The following AGBL4 variants were observed in gnomAD, a reference collection of about 807,000 sequenced individuals.
The protein encoded by AGBL4 is AGBL carboxypeptidase 4, also known as cytosolic carboxypeptidase 6.
In AGBL4, 58 loss-of-function variants were observed where a neutral mutation model predicts 66.4. The observed-to-expected ratio is 0.87, with a 90% CI of 0.71 to 1.09. The LOEUF (loss-of-function observed/expected upper bound fraction) is 1.09. Ranked by LOEUF, AGBL4 falls within the 50% of genes least tolerant of loss-of-function variation. AGBL4 has a pLI of 0.00. For missense variants in AGBL4, 579 were observed against 631.0 expected, an observed-to-expected ratio of 0.92 and a Z score of 0.88; for synonymous variants, 234 against 222.9, an observed-to-expected ratio of 1.05 and a Z score of -0.44.
At chr1:49,578,242 G>C (rs1170429407) in intron 3 of AGBL4, among the ~76,000 whole-genome samples, 2 of 152,196 alleles carry the variant, frequency 1.3e-5, no homozygotes, top group African/African-American at 2.4e-5. Context: ...CTCCACAATG[G>C]AGGTAAGGAA....
At chr1:49,343,304 T>A (rs1245919591) in intron 3 of AGBL4, among the ~76,000 whole-genome samples, 2 of 152,174 alleles carry the variant, frequency 1.3e-5, no homozygotes, top group Non-Finnish European at 2.9e-5. Flanking sequence ...AGCAGATAGA[T>A]CCCTCTCAAA....
chr1:48,993,542 C>T (rs1176036435), intron 5 of AGBL4, among the ~76,000 whole-genome samples: 4 of 152,198 alleles, frequency 2.6e-5, no homozygotes. Flanking sequence ...TTCACTGGCC[C>T]TGACCCCGGA....
At chr1:49,768,528 A>C (rs1179032120) in intron 2 of AGBL4, among the ~76,000 whole-genome samples, 1 of 152,194 alleles carries the variant, frequency 6.6e-6, no homozygotes, top group Non-Finnish European at 1.5e-5. Flanking sequence ...GCACACATCC[A>C]AATGATAAGA....
Position 48,912,153 on chromosome 1 carries a change from G to A in AGBL4, c.595-44923C>T, listed in dbSNP as rs150922503. Among the ~76,000 whole-genome samples, 187 of 152,220 alleles carry A rather than the reference G, an allele frequency of 1.2e-3. 3 individuals carry two copies. The highest frequency in any genetic ancestry group is 4.1e-3 in the Admixed American group (63 of 15,290). ...ATAATAAAACCATGGTCTAGTTCTC[G>A]CTATCATGTTTAGTGGTTGTAGGGT... On this transcript the variant is annotated intron_variant, in intron 5 of 13. Transcript: ENST00000371839.
intron 2 of AGBL4, among the ~76,000 whole-genome samples, chr1:49,768,745 G>T (rs1053662244): frequency 1.3e-5 from 2 of 152,078 alleles, no homozygotes; most frequent in Non-Finnish European, 2.9e-5. Flanking sequence ...TCTCTTCACT[G>T]CTAATGTAAT....
chr1:49,822,900 T>C (rs995486885), intron 2 of AGBL4, among the ~76,000 whole-genome samples: 1 of 152,184 alleles, frequency 6.6e-6, no homozygotes, highest in Non-Finnish European at 1.5e-5. Context: ...TGTGTCCATA[T>C]GACTATTTCT....
intron 6 of AGBL4, among the ~76,000 whole-genome samples, chr1:48,781,156 C>A (rs1170080089): frequency 1.3e-5 from 2 of 152,210 alleles, no homozygotes; most frequent in Non-Finnish European, 2.9e-5. Flanking sequence ...GAGGCAGTTC[C>A]ATTTTCCGAT....
intron 2 of AGBL4, among the ~76,000 whole-genome samples, chr1:49,799,673 G>T (rs1237835727): frequency 2.0e-5 from 3 of 151,976 alleles, no homozygotes; most frequent in Non-Finnish European, 4.4e-5. Context: ...CATCTTGATG[G>T]CATCATCAAG....
At chr1:48,876,426 G>C (rs1445538231) in intron 5 of AGBL4, among the ~76,000 whole-genome samples, 5 of 152,172 alleles carry the variant, frequency 3.3e-5, no homozygotes, top group Non-Finnish European at 7.3e-5. Flanking sequence ...GCAGCGAGAG[G>C]AAGGCCGTTC....
chr1:49,348,834 TC>T (rs1167834564), intron 3 of AGBL4, among the ~76,000 whole-genome samples: 1 of 152,154 alleles, frequency 6.6e-6, no homozygotes, highest in East Asian at 1.9e-4. Context: ...TTAAATAGTG[TC>T]CAGGTCTGCC....
intron 5 of AGBL4, among the ~76,000 whole-genome samples, chr1:49,010,130 C>A (rs1452414440): frequency 6.6e-6 from 1 of 152,144 alleles, no homozygotes; most frequent in Admixed American, 6.5e-5. Context: ...CTAGAAAACT[C>A]CATTGACTCA....
chr1:48,934,677 T>C (rs931763860), intron 5 of AGBL4, among the ~76,000 whole-genome samples: 3 of 151,894 alleles, frequency 2.0e-5, no homozygotes, highest in Admixed American at 2.0e-4. Flanking sequence ...ACCCAGGAGG[T>C]CTCTGAGATT....
At chr1:48,823,249 C>G (rs1036993187) in intron 6 of AGBL4, among the ~76,000 whole-genome samples, 1 of 152,228 alleles carries the variant, frequency 6.6e-6, no homozygotes, top group Non-Finnish European at 1.5e-5. Flanking sequence ...TTTCCCATCA[C>G]CATCTATCAC....
intron 3 of AGBL4, among the ~76,000 whole-genome samples, chr1:49,587,119 G>T (rs1340505290): frequency 6.6e-6 from 1 of 152,082 alleles, no homozygotes; most frequent in Non-Finnish European, 1.5e-5. Context: ...AGTGGCATAT[G>T]CCTGTAGTCC....
intron 6 of AGBL4, among the ~76,000 whole-genome samples, chr1:48,709,572 C>G (rs938530128): frequency 1.6e-4 from 20 of 124,250 alleles, no homozygotes; most frequent in African/African-American, 5.5e-4. Flanking sequence ...TGAGCACTTA[C>G]TATTTGCCAG....
intron 6 of AGBL4, among the ~76,000 whole-genome samples, chr1:48,865,272 A>G (rs1189089688): frequency 2.0e-5 from 3 of 152,174 alleles, no homozygotes; most frequent in African/African-American, 4.8e-5. Context: ...GCATGATCCA[A>G]TGGTGCTTCC....
chr1:49,163,413 A>C (rs1218235969), intron 4 of AGBL4, among the ~76,000 whole-genome samples: 1 of 152,168 alleles, frequency 6.6e-6, no homozygotes, highest in Non-Finnish European at 1.5e-5. Flanking sequence ...AGATTCTCTG[A>C]TATTCCTAGT....
At chr1:49,195,835 T>C (rs569679289) in intron 4 of AGBL4, among the ~76,000 whole-genome samples, 35 of 152,272 alleles carry the variant, frequency 2.3e-4, no homozygotes, top group African/African-American at 7.9e-4. Context: ...TCTTGAATTG[T>C]AATCTCCACG....
chr1:49,267,677 C>T (rs1643954798), intron 3 of AGBL4, among the ~76,000 whole-genome samples: 1 of 151,038 alleles, frequency 6.6e-6, no homozygotes. Context: ...GAGACTCTGT[C>T]CCAAAAAAAA....
Sources: gnomAD v4.1 joint callset for allele counts (sites outside exome capture counted in the v4.1 genomes callset) on GRCh38, gnomAD v4.1.1 for gene constraint, MANE v1.5 for transcripts, NCBI Gene and HGNC (gene_info 2026-07-23, HGNC 2026-07-21) for gene names.